HS3ST5: variants seen among roughly 807,000 people sequenced by gnomAD.
HS3ST5 encodes the protein heparan sulfate-glucosamine 3-sulfotransferase 5.
HS3ST5 carries 10 observed loss-of-function variants against 25.4 expected under a neutral mutation model. The ratio of observed to expected loss-of-function variants is 0.39; its 90% CI spans 0.24 to 0.67. The LOEUF (loss-of-function observed/expected upper bound fraction) is 0.67. HS3ST5 is among the 30% of genes least tolerant of loss of function. The pLI is 0.44. For synonymous variants in HS3ST5, 170 were observed against 162.4 expected, an observed-to-expected ratio of 1.05 and a Z score of -0.36; for missense variants, 324 against 420.7, an observed-to-expected ratio of 0.77 and a Z score of 2.01.
At chr6:114,298,063 T>A (rs1331976532) in intron 1 of HS3ST5, among the ~76,000 whole-genome samples, 8 of 152,230 alleles carry the variant, frequency 5.3e-5, no homozygotes, top group Non-Finnish European at 1.5e-5. Flanking sequence ...TTGAAAGTAA[T>A]TGAGATTCCT....
intron 3 of HS3ST5, among the ~76,000 whole-genome samples, chr6:114,136,932 G>C (rs941954547): frequency 6.6e-6 from 1 of 151,970 alleles, no homozygotes; most frequent in Non-Finnish European, 1.5e-5. Context: ...CAAAAGTCCT[G>C]GTGTTTTTAT....
At chr6:114,073,226 C>T (rs1773929013) in intron 3 of HS3ST5, among the ~76,000 whole-genome samples, 1 of 152,176 alleles carries the variant, frequency 6.6e-6, no homozygotes, top group African/African-American at 2.4e-5. Flanking sequence ...AGGACATAGG[C>T]ATGGGCAAAG....
At chr6:114,241,483 T>C (rs370835248) in intron 1 of HS3ST5, among the ~76,000 whole-genome samples, 3 of 152,306 alleles carry the variant, frequency 2.0e-5, no homozygotes, top group African/African-American at 2.4e-5. Flanking sequence ...ATAAAGGAGA[T>C]AAACACAGAG....
chr6:114,204,035 A>G (rs1323205911), intron 2 of HS3ST5, among the ~76,000 whole-genome samples: 1 of 152,172 alleles, frequency 6.6e-6, no homozygotes, highest in African/African-American at 2.4e-5. Flanking sequence ...CCATCCTGGC[A>G]AAATAGGTTA....
At chr6:114,217,751 A>G (rs770377973) in intron 2 of HS3ST5, among the ~76,000 whole-genome samples, 4 of 152,218 alleles carry the variant, frequency 2.6e-5, no homozygotes, top group Non-Finnish European at 5.9e-5. Flanking sequence ...GCTAGTAAGT[A>G]GCAGAAGTGG....
At chr6:114,327,247 G>GGATA (rs1776209999) in intron 1 of HS3ST5, among the ~76,000 whole-genome samples, 2 of 152,176 alleles carry the variant, frequency 1.3e-5, no homozygotes, top group African/African-American at 4.8e-5. Flanking sequence ...TATTAAACTA[G>GGATA]TGGGTTGGCC....
intron 3 of HS3ST5, among the ~76,000 whole-genome samples, chr6:114,148,990 T>C (rs752371519): frequency 1.3e-5 from 2 of 152,208 alleles, no homozygotes; most frequent in Non-Finnish European, 2.9e-5. Flanking sequence ...AAGCTCATCA[T>C]CACTGATCAT....
intron 2 of HS3ST5, among the ~76,000 whole-genome samples, chr6:114,197,131 T>TC (rs998489650): frequency 1.5e-4 from 23 of 149,466 alleles, no homozygotes; most frequent in South Asian, 4.2e-4. Context: ...TTTCTTTCTT[T>TC]TTTTTTTTTT....
intron 1 of HS3ST5, among the ~76,000 whole-genome samples, chr6:114,320,914 CTATATA>C (rs35362794): frequency 1.5e-5 from 2 of 135,730 alleles, no homozygotes; most frequent in Admixed American, 7.3e-5. Context: ...CTCTCTCTCT[CTATATA>C]TATATATATA....
intron 3 of HS3ST5, chr6:114,089,149 T>C (rs1774996310): frequency 6.6e-6 from 1 of 152,252 alleles, no homozygotes; most frequent in Non-Finnish European, 1.5e-5. Context: ...ATTCTCAGAA[T>C]AGTAGTATTT....
intron 3 of HS3ST5, among the ~76,000 whole-genome samples, chr6:114,076,378 G>T (rs1774134728): frequency 6.6e-6 from 1 of 152,128 alleles, no homozygotes; most frequent in African/African-American, 2.4e-5. Context: ...TAATGCAGAA[G>T]GAAGTAAAGA....
intron 3 of HS3ST5, among the ~76,000 whole-genome samples, chr6:114,088,708 G>A (rs1357177058): frequency 6.6e-6 from 1 of 151,968 alleles, no homozygotes; most frequent in Admixed American, 6.6e-5. Flanking sequence ...TAGAAAATAG[G>A]TTATAGGCTA....
intron 3 of HS3ST5, among the ~76,000 whole-genome samples, chr6:114,119,449 C>T (rs951508135): frequency 6.6e-6 from 1 of 152,162 alleles, no homozygotes; most frequent in African/African-American, 2.4e-5. Context: ...GTGAGGGGAA[C>T]TGCAAATTGA....
intron 1 of HS3ST5, among the ~76,000 whole-genome samples, chr6:114,329,030 G>A (rs1334324832): frequency 1.3e-5 from 2 of 152,044 alleles, no homozygotes; most frequent in Non-Finnish European, 1.5e-5. Flanking sequence ...TAAGACTGTC[G>A]CAGAGTTGTA....
chr6:114,136,627 G>C (rs181128813), intron 3 of HS3ST5, among the ~76,000 whole-genome samples: 1 of 152,316 alleles, frequency 6.6e-6, no homozygotes, highest in East Asian at 1.9e-4. Flanking sequence ...CGAAGGGCCA[G>C]TTTGTCTGTT....
At chr6:114,126,979 T>C (rs1777071490) in intron 3 of HS3ST5, among the ~76,000 whole-genome samples, 1 of 152,150 alleles carries the variant, frequency 6.6e-6, no homozygotes, top group Admixed American at 6.5e-5. Flanking sequence ...GGCTTTCTCA[T>C]AGGTAAGGTG....
chr6:114,324,570 C>T (rs929578204), intron 1 of HS3ST5, among the ~76,000 whole-genome samples: 1 of 152,184 alleles, frequency 6.6e-6, no homozygotes, highest in African/African-American at 2.4e-5. Context: ...TCTTGCAGAT[C>T]AGTGTCCATC....
At chr6:114,248,581 C>T (rs1382556598) in intron 1 of HS3ST5, among the ~76,000 whole-genome samples, 5 of 152,164 alleles carry the variant, frequency 3.3e-5, no homozygotes, top group Non-Finnish European at 7.4e-5. Context: ...TATACAATTA[C>T]TTCCTTTGGT....
chr6:114,100,256 A>G (rs1013614289), intron 3 of HS3ST5, among the ~76,000 whole-genome samples: 4 of 152,198 alleles, frequency 2.6e-5, no homozygotes, highest in East Asian at 1.9e-4. Flanking sequence ...GACAATCTTT[A>G]TAGTCTCTGG....
Sources: allele counts gnomAD v4.1 joint callset (sites outside exome capture counted in the v4.1 genomes callset), GRCh38; gene constraint gnomAD v4.1.1; transcripts MANE v1.5; gene names NCBI Gene and HGNC (gene_info 2026-07-23, HGNC 2026-07-21).